The following IQCJ variants were observed in gnomAD, a reference collection of about 807,000 sequenced individuals.
IQCJ encodes the protein IQ domain-containing protein J.
A neutral mutation model predicts 11.0 loss-of-function variants in IQCJ; 9 were observed. That is an observed-to-expected ratio of 0.82 (90% CI 0.49 to 1.43). IQCJ has a LOEUF of 1.43. Ranked by LOEUF, IQCJ falls within the 40% of genes most tolerant of loss-of-function variation. The probability of loss-of-function intolerance (pLI) is 0.00; values close to 1 mark genes in which losing one functional copy is unlikely to be tolerated. For missense variants in IQCJ, 146 were observed against 133.2 expected (o/e 1.10, Z -0.47); for synonymous variants, 55 against 51.3 (o/e 1.07, Z -0.31).
At position 159,263,581 on chromosome 3, in the gene IQCJ, A is replaced by G; in HGVS notation, c.*850A>G. The G allele has an allele frequency of 7.1e-6, 7 of 984,550 alleles. No homozygotes were observed. Among genetic ancestry groups the G allele is most frequent in the Non-Finnish European group, 8.4e-6 (7 of 829,092 alleles). 61.0% of individuals were successfully genotyped at this position (984,550 alleles called of 1,614,324 possible). On this transcript the variant is annotated 3_prime_UTR_variant, in exon 4 of 4. Coordinates refer to ENST00000397832, the MANE Select transcript of IQCJ (RefSeq NM_001042706.3). ...AAAGTTAGAGAAATGAAGTAATTAC[A>G]CAAGTATATTACTTCCAAAAATTTT...
chr3:159,072,243 A>G (rs533378182), intron 1 of IQCJ, among the ~76,000 whole-genome samples: 6 of 152,108 alleles, frequency 3.9e-5, no homozygotes, highest in Non-Finnish European at 7.4e-5. Context: ...TTTCCAATAG[A>G]GAAGAACAAT....
intron 2 of IQCJ, among the ~76,000 whole-genome samples, chr3:159,247,356 A>C (rs1727331709): frequency 6.6e-6 from 1 of 152,100 alleles, no homozygotes; most frequent in South Asian, 2.1e-4. Context: ...CAGCCTCCCA[A>C]AGTGTTGGGA....
chr3:159,200,104 A>AATAAAT (rs1553787480), intron 1 of IQCJ, among the ~76,000 whole-genome samples: 4 of 116,956 alleles, frequency 3.4e-5, no homozygotes, highest in African/African-American at 1.5e-4. Flanking sequence ...TTTATACATA[A>AATAAAT]ATATATATAT....
intron 1 of IQCJ, among the ~76,000 whole-genome samples, chr3:159,183,522 G>A (rs1723215327): frequency 6.6e-6 from 1 of 152,056 alleles, no homozygotes; most frequent in Non-Finnish European, 1.5e-5. Flanking sequence ...TTCCAGACAA[G>A]ACCTCTCTTA....
chr3:159,143,490 C>G (rs866867782), intron 1 of IQCJ, among the ~76,000 whole-genome samples: 2 of 152,304 alleles, frequency 1.3e-5, no homozygotes, highest in East Asian at 1.9e-4. Context: ...ATTATATTCT[C>G]TCTTCACCAC....
intron 1 of IQCJ, among the ~76,000 whole-genome samples, chr3:159,075,318 A>T (rs7613304): frequency 6.6e-6 from 1 of 151,946 alleles, no homozygotes; most frequent in African/African-American, 2.4e-5. Context: ...GGAATATTAC[A>T]TTAGTATCCA....
intron 1 of IQCJ, among the ~76,000 whole-genome samples, chr3:159,135,105 T>C (rs1231190443): frequency 3.3e-5 from 5 of 152,200 alleles, no homozygotes; most frequent in Non-Finnish European, 7.3e-5. Flanking sequence ...CATGTGCTTG[T>C]TCTTATGATT....
intron 1 of IQCJ, among the ~76,000 whole-genome samples, chr3:159,107,936 G>T (rs1718368309): frequency 7.0e-6 from 1 of 142,016 alleles, no homozygotes; most frequent in Admixed American, 7.7e-5. Context: ...GCCACGCTCT[G>T]CTCCTGCTTG....
intron 1 of IQCJ, chr3:159,069,874 T>TGC (rs1715442476): frequency 5.4e-6 from 2 of 370,368 alleles, no homozygotes; most frequent in Admixed American, 3.0e-5. Flanking sequence ...TGTGTGTGTG[T>TGC]GTGTGTGTGT....
intron 1 of IQCJ, among the ~76,000 whole-genome samples, chr3:159,125,247 G>A (rs867761101): frequency 2.6e-5 from 4 of 152,010 alleles, no homozygotes; most frequent in African/African-American, 4.8e-5. Context: ...TCCCAATTCC[G>A]AGACATTCTA....
chr3:159,085,005 G>A (rs1390141206), intron 1 of IQCJ, among the ~76,000 whole-genome samples: 1 of 151,774 alleles, frequency 6.6e-6, no homozygotes, highest in Non-Finnish European at 1.5e-5. Context: ...CCATGCTGCT[G>A]TGCTGCACCC....
intron 1 of IQCJ, among the ~76,000 whole-genome samples, chr3:159,201,356 A>G (rs1301632354): frequency 6.6e-6 from 1 of 152,190 alleles, no homozygotes; most frequent in African/African-American, 2.4e-5. Flanking sequence ...AGTGTGATTT[A>G]GAAAATGCCA....
chr3:159,137,547 C>CA (rs1398227086), intron 1 of IQCJ, among the ~76,000 whole-genome samples: 1 of 151,986 alleles, frequency 6.6e-6, no homozygotes, highest in Non-Finnish European at 1.5e-5. Flanking sequence ...AAACATAAAA[C>CA]AAAAAAATTG....
intron 3 of IQCJ, among the ~76,000 whole-genome samples, chr3:159,255,028 T>C (rs1227097091): frequency 6.6e-6 from 1 of 152,228 alleles, no homozygotes; most frequent in Non-Finnish European, 1.5e-5. Flanking sequence ...ACAGGGACAA[T>C]CTTGGGATAT....
chr3:159,139,823 T>C (rs1392000671), intron 1 of IQCJ, among the ~76,000 whole-genome samples: 3 of 152,196 alleles, frequency 2.0e-5, no homozygotes, highest in Admixed American at 1.3e-4. Context: ...CTCAGTGTTT[T>C]TGAGTGAGGA....
At chr3:159,166,014 C>T (rs895034383) in intron 1 of IQCJ, among the ~76,000 whole-genome samples, 10 of 151,770 alleles carry the variant, frequency 6.6e-5, no homozygotes, top group South Asian at 4.1e-4. Flanking sequence ...GCATTTGAGT[C>T]GCTGGCTCAT....
rs1728313072 is a variant in IQCJ, at chr3:159,263,096, A to G, written c.*365A>G. The G allele has an allele frequency of 1.3e-5, 13 of 993,354 alleles. No homozygotes were observed. In the South Asian group the frequency reaches 4.1e-4, roughly 31 times the overall value. 61.5% of individuals were successfully genotyped at this position (993,354 alleles called of 1,614,324 possible). ...CCAGAAGAATTGAAAGTGGTCACAC[A>G]CTCAGGGGTTGCAACTTAAATGTCT... On this transcript the variant is annotated 3_prime_UTR_variant, in exon 4 of 4. Coordinates refer to ENST00000397832, the MANE Select transcript of IQCJ (RefSeq NM_001042706.3).
intron 1 of IQCJ, among the ~76,000 whole-genome samples, chr3:159,126,993 G>T (rs1219493435): frequency 6.6e-6 from 1 of 152,196 alleles, no homozygotes; most frequent in Non-Finnish European, 1.5e-5. Context: ...GATTTGCTTG[G>T]CCATTAGCCA....
intron 1 of IQCJ, among the ~76,000 whole-genome samples, chr3:159,121,138 C>CTTT (rs1206910456): frequency 1.6e-5 from 2 of 123,618 alleles, no homozygotes; most frequent in Non-Finnish European, 3.4e-5. Flanking sequence ...TTTCTTTTTT[C>CTTT]TTTTTTTTTT....
Sources: gnomAD v4.1 joint callset for allele counts (sites outside exome capture counted in the v4.1 genomes callset) on GRCh38, gnomAD v4.1.1 for gene constraint, MANE v1.5 for transcripts, NCBI Gene and HGNC (gene_info 2026-07-23, HGNC 2026-07-21) for gene names.